The following PSMD3 variants were observed in gnomAD, a reference collection of about 807,000 sequenced individuals.
The protein encoded by PSMD3 is proteasome 26S subunit, non-ATPase 3.
PSMD3 carries 5 observed loss-of-function variants against 62.8 expected under a neutral mutation model. That is an observed-to-expected ratio of 0.08 (90% CI 0.04 to 0.17). The LOEUF (loss-of-function observed/expected upper bound fraction) is 0.17, where lower values mean the gene tolerates loss of function less well. Among genes scored for constraint, PSMD3 ranks in the 10% least tolerant of loss-of-function variants. The probability of loss-of-function intolerance (pLI) is 1.00; values close to 1 mark genes in which losing one functional copy is unlikely to be tolerated. For synonymous variants in PSMD3, 265 were observed against 283.9 expected (o/e 0.93, Z 0.67); for missense variants, 524 against 713.6 (o/e 0.73, Z 3.03).
At position 39,989,843 on chromosome 17, in the gene PSMD3, A is replaced by T; in HGVS notation, c.791A>T (p.Tyr264Phe). 6.2e-7 allele frequency: 1 copy of T among 1,614,196 alleles called. No individual in the cohort carries two copies. The highest frequency in any genetic ancestry group is 1.1e-5 in the South Asian group (1 of 91,086). The stretch of plus-strand genomic sequence containing the variant: ...CGGAATTACCTACACTACAGCTTGT[A>T]CGACCAGGCTGAGAAGCTGGTGTCC... The part of the protein sequence containing the change: ...LLRNYLHYSL[Y>F]DQAEKLVSKS... Residue 264 changes from tyrosine to phenylalanine, a missense_variant, in exon 5 of 12, where the codon TAC (tyrosine) becomes TTC (phenylalanine). By Grantham distance (22) the Tyr-to-Phe change is conservative (BLOSUM62 3). Around this residue, in one of 4 missense-constraint regions of PSMD3, gnomAD observed 396 missense variants for 475.8 expected, o/e 0.83. Transcript: ENST00000264639.
chr17:39,982,253 A>G (rs1269018496), intron 1 of PSMD3, among the ~76,000 whole-genome samples: 3 of 151,598 alleles, frequency 2.0e-5, no homozygotes, highest in East Asian at 1.9e-4. Context: ...AGCAATGTCA[A>G]AGGTGCCACT....
intron 1 of PSMD3, 126 bp downstream of exon 1, chr17:39,981,316 C>T (rs1007239050): frequency 2.1e-6 from 3 of 1,435,416 alleles, no homozygotes; most frequent in Non-Finnish European, 2.8e-6. Context: ...CCCCCAGATA[C>T]CTGCTCCCAC....
rs1162890128 is a variant in PSMD3 at position 39,980,911 on chromosome 17, G to A, written c.-60G>A. 3.6e-6 allele frequency: 5 copies of A among 1,405,694 alleles called. No individual in the cohort carries two copies. Among genetic ancestry groups the A allele is most frequent in the Non-Finnish European group, 4.7e-6 (5 of 1,067,968 alleles). 87.1% of individuals were successfully genotyped at this position (1,405,694 alleles called of 1,614,324 possible). On this transcript the variant is annotated 5_prime_UTR_variant, in exon 1 of 12. Transcript: ENST00000264639. ...CCCGGCTCGGCTCCTGGTCCCCGGT[G>A]CGAGGGTTAACGCGAGGCCCCGGCC...
At position 39,997,924 on chromosome 17, in the gene PSMD3, TTA is replaced by T. The variant is rs1980827115; in HGVS notation, c.*345_*346del. ...GCTTGTATGTTTTTTGAAGCTTCGA[TTA>T]TGATTTTTAAACAATAAAAAGTTCT... is the stretch of plus-strand genomic sequence containing the variant. On this transcript the variant is annotated 3_prime_UTR_variant, in exon 12 of 12. Transcript: ENST00000264639. 3.0e-6 allele frequency: 1 copy of T among 336,990 alleles called. No individual in the cohort carries two copies. Among genetic ancestry groups the T allele is most frequent in the African/African-American group, 2.1e-5 (1 of 47,642 alleles). The allele number at this position is 336,990 out of a possible 1,614,324, so 20.9% of individuals were successfully genotyped here.
intron 1 of PSMD3, among the ~76,000 whole-genome samples, chr17:39,983,799 C>G (rs1204284378): frequency 6.6e-6 from 1 of 152,176 alleles, no homozygotes; most frequent in Non-Finnish European, 1.5e-5. Context: ...TTTCTTGCCA[C>G]TTGGTTATGT....
intron 6 of PSMD3, 37 bp from the exon 7 acceptor site, chr17:39,994,917 C>T: frequency 1.3e-6 from 2 of 1,577,550 alleles, no homozygotes; most frequent in South Asian, 1.1e-5. Context: ...GCCCATGGGG[C>T]TCCCTGCCCA....
rs1214862116 is a variant in PSMD3, at chr17:39,988,749, G to T, written c.616G>T (p.Val206Leu). The T allele has an allele frequency of 6.2e-7, 1 of 1,614,054 alleles. No individual in the cohort carries two copies. The highest frequency in any genetic ancestry group is 8.5e-7 in the Non-Finnish European group (1 of 1,180,038). ...STQNRRALDL[V>L]AAKCYYYHAR... is the part of the protein sequence containing the mutation. ...TCAGAACCGCCGGGCCCTAGACCTT[G>T]TAGCCGCAAAGTGTTACTATTATCA... Residue 206 changes from valine to leucine, a missense_variant, in exon 4 of 12, where the codon GTA (valine) becomes TTA (leucine). By Grantham distance (32) the Val-to-Leu change is conservative. Around this residue, in one of 4 missense-constraint regions of PSMD3, gnomAD observed 396 missense variants for 475.8 expected, o/e 0.83. Coordinates refer to ENST00000264639, the MANE Select transcript of PSMD3 (RefSeq NM_002809.4).
rs11539651 is a variant in PSMD3 at position 39,981,107 on chromosome 17, G to A, written c.137G>A (p.Gly46Glu). Residue 46 changes from glycine (G) to glutamate (E), a missense_variant, in exon 1 of 12, where the codon GGG (glycine) becomes GAG (glutamate). Coordinates refer to ENST00000264639, the MANE Select transcript of PSMD3 (RefSeq NM_002809.4). Reference protein sequence around the residue: ...EMKEEAATGGGSTGEADGKTA... With the variant: ...EMKEEAATGGESTGEADGKTA... Reference sequence around the variant, plus strand: ...AAAGAGGAGGCAGCGACGGGTGGCGGGTCGACGGGGGAGGCAGACGGCAAG... The same window carrying A: ...AAAGAGGAGGCAGCGACGGGTGGCGAGTCGACGGGGGAGGCAGACGGCAAG... 6.4e-7 allele frequency: 1 copy of A among 1,550,668 alleles called. No homozygotes were observed. The highest frequency in any genetic ancestry group is 1.4e-5 in the African/African-American group (1 of 73,176).
chr17:39,989,967 C>T, intron 5 of PSMD3, 38 bp downstream of exon 5: 1 of 1,598,186 alleles, frequency 6.3e-7, no homozygotes, highest in African/African-American at 1.3e-5. Flanking sequence ...CAGAAGGTGT[C>T]TCAGGCCTGC....
chr17:39,996,054 G>T lies in PSMD3; in HGVS notation c.1321-129G>T. 3 of 1,152,748 alleles carry T rather than the reference G, an allele frequency of 2.6e-6. No homozygotes were observed. Among genetic ancestry groups the T allele is most frequent in the South Asian group, 2.6e-5 (2 of 77,892 alleles). The allele number at this position is 1,152,748 out of a possible 1,614,324, so 71.4% of individuals were successfully genotyped here. On this transcript the variant is annotated intron_variant, in intron 9 of 11. Transcript: ENST00000264639. This position sits in a 1 kb window ranked among gnomAD's most constrained non-coding sequence, Gnocchi z 5.1. ...GAATCGCTTGAACCCGGGAGGTAAAGGTTGCAGTGAGCTGAGATCGCACCA... is the reference window on the plus strand; with the variant it reads ...GAATCGCTTGAACCCGGGAGGTAAATGTTGCAGTGAGCTGAGATCGCACCA...
rs985512176 is a variant in PSMD3 at position 39,984,285 on chromosome 17, C to T, written c.221-9C>T. ...AAGTGACATCATTTTCTTCTCTGCT[C>T]TTCTTCAGACATCAAGGAGCACGTG... On this transcript the variant is annotated splice_polypyrimidine_tract_variant and intron_variant, in intron 1 of 11. Transcript: ENST00000264639. The T allele has an allele frequency of 3.8e-6, 6 of 1,592,418 alleles. No individual in the cohort carries two copies. Among genetic ancestry groups the T allele is most frequent in the Admixed American group, 3.4e-5 (2 of 59,038 alleles).
In PSMD3 at chr17:39,995,035, C is replaced by T. The variant is rs2144816752; in HGVS notation, c.1063C>T (p.Arg355Cys). The change falls in exon 7 of 12, where the codon CGC (arginine) becomes TGC (cysteine). Residue 355 changes from arginine (R) to cysteine (C), a missense_variant. This residue lies in a region of PSMD3 where 32 missense variants were observed against 85.4 expected (regional missense o/e 0.37). Coordinates refer to ENST00000264639, the MANE Select transcript of PSMD3 (RefSeq NM_002809.4). This position sits in a 1 kb window ranked among gnomAD's most constrained non-coding sequence, Gnocchi z 4.1. ...GCAGTTCCGCCAGCCCTCCCTCAAG[C>T]GCTCACTCATGCCCTATTTCCTTCT... ...RLQFRQPSLKRSLMPYFLLTQ... is the reference protein window; with the variant it reads ...RLQFRQPSLKCSLMPYFLLTQ... The T allele has an allele frequency of 5.6e-6, 9 of 1,614,136 alleles. No homozygotes were observed. Among genetic ancestry groups the T allele is most frequent in the Non-Finnish European group, 7.6e-6 (9 of 1,180,016 alleles).
intron 6 of PSMD3, 95 bp downstream of exon 6, chr17:39,990,292 G>GA: frequency 7.5e-6 from 8 of 1,060,382 alleles, no homozygotes; most frequent in Non-Finnish European, 1.1e-5. Context: ...TGAACTCCTG[G>GA]GTTCAAGAAG....
intron 6 of PSMD3, chr17:39,994,725 C>T (rs1980740070): frequency 1.8e-6 from 1 of 560,988 alleles, no homozygotes; most frequent in Non-Finnish European, 3.2e-6. Context: ...GCTGACGGCT[C>T]TGCGACCAAA....
In PSMD3 at chr17:39,997,653, C is replaced by A; in HGVS notation, c.*72C>A. ...CCCCTTGGGGGTCCCCTGCCCAGGGCACTGTCCCCATTTTCCCACACACAG... is the reference window on the plus strand; with the variant it reads ...CCCCTTGGGGGTCCCCTGCCCAGGGAACTGTCCCCATTTTCCCACACACAG... On this transcript the variant is annotated 3_prime_UTR_variant, in exon 12 of 12. Coordinates refer to ENST00000264639, the MANE Select transcript of PSMD3 (RefSeq NM_002809.4). 6.6e-7 allele frequency: 1 copy of A among 1,509,048 alleles called. No individual in the cohort carries two copies. The highest frequency in any genetic ancestry group is 9.1e-7 in the Non-Finnish European group (1 of 1,097,290). 93.5% of individuals were successfully genotyped at this position (1,509,048 alleles called of 1,614,324 possible).
intron 1 of PSMD3, 34 bp from the exon 2 acceptor site, chr17:39,984,260 A>T (rs1184916375): frequency 6.5e-7 from 1 of 1,547,708 alleles, no homozygotes; most frequent in Non-Finnish European, 8.8e-7. Context: ...CTAGGAGTGA[A>T]AGTGACATCA....
In PSMD3 at chr17:39,997,719, G is replaced by A; in HGVS notation, c.*138G>A. The A allele has an allele frequency of 1.9e-6, 2 of 1,036,774 alleles. No homozygotes were observed. Among genetic ancestry groups the A allele is most frequent in the South Asian group, 1.5e-5 (1 of 67,056 alleles). The allele number at this position is 1,036,774 out of a possible 1,614,324, so 64.2% of individuals were successfully genotyped here. ...CGTGCAGGGGGTGGGGGTGCTGGGA[G>A]CCAGCCACCCTGACCTCCCCCAGGG... On this transcript the variant is annotated 3_prime_UTR_variant, in exon 12 of 12. Coordinates refer to ENST00000264639, the MANE Select transcript of PSMD3 (RefSeq NM_002809.4).
intron 1 of PSMD3, among the ~76,000 whole-genome samples, chr17:39,981,466 T>A (rs1457561538): frequency 6.6e-6 from 1 of 152,192 alleles, no homozygotes; most frequent in Non-Finnish European, 1.5e-5. Flanking sequence ...ACTCCCTCTT[T>A]TAAGTCCTCC....
chr17:39,992,034 C>G (rs145878743), intron 6 of PSMD3, among the ~76,000 whole-genome samples: 2 of 118,410 alleles, frequency 1.7e-5, no homozygotes, highest in African/African-American at 3.0e-5. Context: ...CAAAAAAAAA[C>G]AAACATTAAA....
Sources: gnomAD v4.1 joint callset for allele counts (sites outside exome capture counted in the v4.1 genomes callset) on GRCh38, gnomAD v4.1.1 for gene constraint, gnomAD v4.1.1 regional missense constraint, Gnocchi (gnomAD v3.1) non-coding constraint, MANE v1.5 for transcripts, NCBI Gene and HGNC (gene_info 2026-07-23, HGNC 2026-07-21) for gene names.